Variants in CDK8 observed in about 807,000 individuals in gnomAD.
CDK8 encodes cyclin-dependent kinase 8.
In CDK8, 29 loss-of-function variants were observed where a neutral mutation model predicts 71.5. The ratio of observed to expected loss-of-function variants is 0.41; its 90% CI spans 0.30 to 0.55. The LOEUF is 0.55. CDK8 is among the 20% of genes least tolerant of loss of function. The pLI is 0.37. For missense variants in CDK8, 288 were observed against 572.6 expected, an observed-to-expected ratio of 0.50 and a Z score of 5.07; for synonymous variants, 161 against 192.1, an observed-to-expected ratio of 0.84 and a Z score of 1.34.
chr13:26,335,671 A>T (rs938302970), intron 1 of CDK8, among the ~76,000 whole-genome samples: 1 of 152,170 alleles, frequency 6.6e-6, no homozygotes, highest in Non-Finnish European at 1.5e-5. Flanking sequence ...CTGTGGCAGA[A>T]ATCATTGTCT....
At chr13:26,355,065 C>T (rs1046681775) in intron 4 of CDK8, among the ~76,000 whole-genome samples, 21 of 152,214 alleles carry the variant, frequency 1.4e-4, no homozygotes, top group Non-Finnish European at 2.6e-4. Context: ...CATCTGGTCT[C>T]TCGCAAAGAT....
chr13:26,263,083 G>A (rs1466690596), intron 1 of CDK8, among the ~76,000 whole-genome samples: 1 of 152,068 alleles, frequency 6.6e-6, no homozygotes, highest in African/African-American at 2.4e-5. Flanking sequence ...TGCTAATGTA[G>A]TTTATATTAA....
At chr13:26,299,886 G>C (rs1873745194) in intron 1 of CDK8, among the ~76,000 whole-genome samples, 1 of 152,144 alleles carries the variant, frequency 6.6e-6, no homozygotes, top group Admixed American at 6.5e-5. Flanking sequence ...TTTTAGGCTT[G>C]CTGGGCCATG....
At chr13:26,395,554 ACT>A (rs1379913216) in intron 7 of CDK8, among the ~76,000 whole-genome samples, 1 of 151,750 alleles carries the variant, frequency 6.6e-6, no homozygotes, top group Non-Finnish European at 1.5e-5. Flanking sequence ...CACCTAGTAG[ACT>A]CTCAGGAAAA....
intron 1 of CDK8, among the ~76,000 whole-genome samples, chr13:26,319,685 T>C: frequency 1.9e-5 from 1 of 51,976 alleles, no homozygotes; most frequent in South Asian, 5.6e-4. Flanking sequence ...CCAAATGGCT[T>C]TTTTTTTTTT....
intron 3 of CDK8, 31 bp from the exon 4 acceptor site, chr13:26,353,709 G>A (rs201708538): frequency 2.3e-4 from 355 of 1,529,646 alleles, no homozygotes; most frequent in Non-Finnish European, 3.0e-4. Flanking sequence ...CTTTTTTTAA[G>A]CTTCTGTTGA....
At chr13:26,261,766 A>G (rs1473205527) in intron 1 of CDK8, among the ~76,000 whole-genome samples, 2 of 152,220 alleles carry the variant, frequency 1.3e-5, no homozygotes, top group African/African-American at 4.8e-5. Context: ...TTCGATAAGC[A>G]ATTATGTGTG....
Position 26,285,490 on chromosome 13 carries a change from C to T in CDK8, c.128+30721C>T, listed in dbSNP as rs114925196. On this transcript the variant is annotated intron_variant, in intron 1 of 12. Transcript: ENST00000381527. ...CAAAATCAGTATAGAAGGGAGATAC[C>T]TCGAAGTAATAAAAGCCGTCTGTGA... Among the ~76,000 whole-genome samples, 1,022 of 152,126 alleles carry T rather than the reference C, an allele frequency of 6.7e-3. 16 individuals carry two copies. The highest frequency in any genetic ancestry group is 0.023 in the African/African-American group (940 of 41,494).
At chr13:26,365,857 C>T (rs17083927) in intron 4 of CDK8, among the ~76,000 whole-genome samples, 8,851 of 151,786 alleles carry the variant, frequency 0.058, 864 homozygotes, top group African/African-American at 0.2. Flanking sequence ...TAATGGTGAC[C>T]CCTCAGTTTT....
At chr13:26,260,915 C>T (rs930310709) in intron 1 of CDK8, among the ~76,000 whole-genome samples, 2 of 152,138 alleles carry the variant, frequency 1.3e-5, no homozygotes, top group Non-Finnish European at 2.9e-5. Context: ...GAATCCAATC[C>T]TCATTGTCTC....
At chr13:26,381,076 A>G (rs1418261475) in intron 4 of CDK8, among the ~76,000 whole-genome samples, 1 of 152,242 alleles carries the variant, frequency 6.6e-6, no homozygotes, top group Non-Finnish European at 1.5e-5. Flanking sequence ...TTTGATGGGA[A>G]GAGATTCAAA....
chr13:26,301,780 G>A (rs1353182654), intron 1 of CDK8, among the ~76,000 whole-genome samples: 2 of 152,110 alleles, frequency 1.3e-5, no homozygotes, highest in East Asian at 3.9e-4. Flanking sequence ...CCTTGATGAT[G>A]GTATTTAAGA....
At chr13:26,352,653 A>G (rs1873731942) in intron 3 of CDK8, among the ~76,000 whole-genome samples, 1 of 152,216 alleles carries the variant, frequency 6.6e-6, no homozygotes, top group African/African-American at 2.4e-5. Context: ...AAAAAGACTG[A>G]GAAGAAAATT....
chr13:26,265,198 C>T (rs147974382), intron 1 of CDK8, among the ~76,000 whole-genome samples: 61 of 152,272 alleles, frequency 4.0e-4, no homozygotes, highest in Non-Finnish European at 7.4e-4. Flanking sequence ...ACATTCCCAC[C>T]AACTATGCTA....
chr13:26,328,555 A>G (rs997836217), intron 1 of CDK8, among the ~76,000 whole-genome samples: 7 of 152,224 alleles, frequency 4.6e-5, no homozygotes, highest in African/African-American at 1.7e-4. Context: ...ATGCAGAGCT[A>G]GTCTAGAACT....
chr13:26,284,962 G>A (rs995759588), intron 1 of CDK8, among the ~76,000 whole-genome samples: 10 of 151,286 alleles, frequency 6.6e-5, no homozygotes, highest in African/African-American at 2.5e-4. Context: ...AAAAAGTCTG[G>A]GTACAGTGGC....
intron 1 of CDK8, among the ~76,000 whole-genome samples, chr13:26,296,661 A>G (rs192042015): frequency 8.5e-5 from 13 of 152,304 alleles, no homozygotes; most frequent in East Asian, 3.9e-4. Flanking sequence ...ACATTAATCT[A>G]TTGAGGTAAA....
intron 1 of CDK8, among the ~76,000 whole-genome samples, chr13:26,282,538 C>G (rs1380937391): frequency 6.6e-6 from 1 of 152,160 alleles, no homozygotes; most frequent in Non-Finnish European, 1.5e-5. Flanking sequence ...CATCACCACA[C>G]CAGCACTACA....
At chr13:26,316,086 C>T (rs138154922) in intron 1 of CDK8, among the ~76,000 whole-genome samples, 180 of 152,296 alleles carry the variant, frequency 1.2e-3, no homozygotes, top group African/African-American at 4.0e-3. Flanking sequence ...CAGCCAGGCA[C>T]GTTGGATCAT....
Sources: gnomAD v4.1 joint callset for allele counts (sites outside exome capture counted in the v4.1 genomes callset) on GRCh38, gnomAD v4.1.1 for gene constraint, MANE v1.5 for transcripts, NCBI Gene and HGNC (gene_info 2026-07-23, HGNC 2026-07-21) for gene names.